Variants in RAB11B observed in about 807,000 individuals in gnomAD.
RAB11B encodes the protein RAB11B, member RAS oncogene family.
Under a neutral mutation model 23.7 loss-of-function variants are expected in RAB11B, and 7 were observed. The observed-to-expected ratio is 0.29, with a 90% CI of 0.17 to 0.55. The LOEUF (loss-of-function observed/expected upper bound fraction) is 0.55. Among genes scored for constraint, RAB11B ranks in the 20% least tolerant of loss-of-function variants. RAB11B has a pLI of 0.93. For missense variants in RAB11B, 189 were observed against 320.0 expected (o/e 0.59, Z 3.12); for synonymous variants, 138 against 132.0 (o/e 1.05, Z -0.31).
intron 1 of RAB11B, among the ~76,000 whole-genome samples, chr19:8,394,794 G>A (rs1203288599): frequency 1.3e-5 from 2 of 152,210 alleles, no homozygotes; most frequent in South Asian, 2.1e-4. Context: ...TCTGGGCGTC[G>A]TGGTGCACGC....
chr19:8,394,928 TACAA>T (rs1971384908), intron 1 of RAB11B, among the ~76,000 whole-genome samples: 1 of 152,178 alleles, frequency 6.6e-6, no homozygotes, highest in African/African-American at 2.4e-5. Flanking sequence ...TCCATCTCAA[TACAA>T]ACAAACAAAA....
At chr19:8,395,654 G>A (rs1383299899) in intron 1 of RAB11B, among the ~76,000 whole-genome samples, 2 of 152,140 alleles carry the variant, frequency 1.3e-5, no homozygotes, top group African/African-American at 4.8e-5. Flanking sequence ...GGTCTTTCAC[G>A]CCAGGCCAAG....
At chr19:8,398,102 C>T (rs539279488) in intron 1 of RAB11B, among the ~76,000 whole-genome samples, 23 of 152,256 alleles carry the variant, frequency 1.5e-4, no homozygotes, top group Middle Eastern at 6.8e-3. Flanking sequence ...GAGCCTGGGG[C>T]GGCTGGGCCC....
chr19:8,400,390 C>T (rs1055315043), intron 2 of RAB11B: 1 of 357,666 alleles, frequency 2.8e-6, no homozygotes, highest in Admixed American at 3.9e-5. Context: ...ACACCTGGTC[C>T]CACACGCCTC....
At chr19:8,393,774 G>A (rs572112075) in intron 1 of RAB11B, among the ~76,000 whole-genome samples, 52 of 152,270 alleles carry the variant, frequency 3.4e-4, no homozygotes, top group African/African-American at 1.3e-3. Context: ...GCCGGAATGG[G>A]GGCACCATTC....
At chr19:8,399,119 A>G (rs188630031) in intron 1 of RAB11B, among the ~76,000 whole-genome samples, 1 of 151,986 alleles carries the variant, frequency 6.6e-6, no homozygotes, top group East Asian at 1.9e-4. Context: ...CACCCAGCTA[A>G]TTTTATTGTA....
At chr19:8,399,667 T>C (rs1971422666) in intron 1 of RAB11B, among the ~76,000 whole-genome samples, 196 bp from the exon 2 acceptor site, 1 of 152,202 alleles carries the variant, frequency 6.6e-6, no homozygotes, top group African/African-American at 2.4e-5. Flanking sequence ...AGTGGCTGTT[T>C]CTGGAAGGCA....
chr19:8,396,831 GGCTCGGCACTCAC>G lies in RAB11B; in HGVS notation c.41-3030_41-3018del, dbSNP rs1568227910. On this transcript the variant is annotated intron_variant, in intron 1 of 4. Coordinates refer to ENST00000328024, the MANE Select transcript of RAB11B (RefSeq NM_004218.4). This position sits in a 1 kb window ranked among gnomAD's most constrained non-coding sequence, Gnocchi z 5.0. ...TGCAGAGGAGGGAGGGAGGTGCCCTGGCTCGGCACTCACGGGCGCTCTCTGGTGGCTGCTGCAG... is the reference window on the plus strand; with the variant it reads ...TGCAGAGGAGGGAGGGAGGTGCCCTGGGGCGCTCTCTGGTGGCTGCTGCAG... Among the ~76,000 whole-genome samples, 3 of 152,128 alleles carry G rather than the reference GGCTCGGCACTCAC, an allele frequency of 2.0e-5. No homozygotes were observed. The highest frequency in any genetic ancestry group is 7.2e-5 in the African/African-American group (3 of 41,412).
At position 8,390,431 on chromosome 19, in the gene RAB11B, C is replaced by T; in HGVS notation, c.15C>T (p.Asp5=). 6.6e-7 allele frequency: 1 copy of T among 1,522,278 alleles called. No homozygotes were observed. The highest frequency in any genetic ancestry group is 8.8e-7 in the Non-Finnish European group (1 of 1,139,570). 94.3% of individuals were successfully genotyped at this position (1,522,278 alleles called of 1,614,324 possible). The change falls in exon 1 of 5, where the codon GAC becomes GAT. Residue 5 remains aspartate, a synonymous_variant. Coordinates refer to ENST00000328024, the MANE Select transcript of RAB11B (RefSeq NM_004218.4). MGTR[D]DEYDYLFKVV... ...GCGCCAGGACAATGGGGACCCGGGA[C>T]GACGAGTACGACTACCTATTCAAAG...
In RAB11B at chr19:8,402,081, T is replaced by G; in HGVS notation, c.237-5T>G. 6.3e-7 allele frequency: 1 copy of G among 1,583,674 alleles called. No homozygotes were observed. The highest frequency in any genetic ancestry group is 1.1e-5 in the South Asian group (1 of 87,044). On this transcript the variant is annotated splice_polypyrimidine_tract_variant and splice_region_variant and intron_variant, in intron 2 of 4. Transcript: ENST00000328024. The stretch of plus-strand genomic sequence containing the variant: ...AGAGAGGCTCATGGGCCCCTGACCC[T>G]GCAGGTACTACCGTGGTGCAGTGGG...
chr19:8,393,890 G>C (rs1971377225), intron 1 of RAB11B, among the ~76,000 whole-genome samples: 1 of 152,232 alleles, frequency 6.6e-6, no homozygotes, highest in Non-Finnish European at 1.5e-5. Context: ...AGAGGTGCCA[G>C]TTCTTTGTTT....
At chr19:8,399,782 AC>A (rs781369542) in intron 1 of RAB11B, 80 bp from the exon 2 acceptor site, 1 of 1,516,810 alleles carries the variant, frequency 6.6e-7, no homozygotes, top group Non-Finnish European at 9.0e-7. Flanking sequence ...TTGGTGCAGC[AC>A]CCAGGGAACC....
At chr19:8,393,350 C>T (rs2145506818) in intron 1 of RAB11B, among the ~76,000 whole-genome samples, 1 of 152,288 alleles carries the variant, frequency 6.6e-6, no homozygotes, top group Middle Eastern at 3.4e-3. Flanking sequence ...CCAATCAGGG[C>T]TCACCTGGCC....
At chr19:8,395,470 A>T (rs1464342179) in intron 1 of RAB11B, among the ~76,000 whole-genome samples, 1 of 151,820 alleles carries the variant, frequency 6.6e-6, no homozygotes, top group Non-Finnish European at 1.5e-5. Context: ...GTTGGTCTCA[A>T]ACTCCTGACC....
At chr19:8,392,619 A>G (rs1971365072) in intron 1 of RAB11B, among the ~76,000 whole-genome samples, 1 of 150,272 alleles carries the variant, frequency 6.7e-6, no homozygotes, top group African/African-American at 2.5e-5. Context: ...TCTCACCTTC[A>G]CAGCTGTGCC....
At chr19:8,398,796 C>T (rs1349299017) in intron 1 of RAB11B, among the ~76,000 whole-genome samples, 3 of 151,986 alleles carry the variant, frequency 2.0e-5, no homozygotes, top group Admixed American at 1.3e-4. Context: ...CTGCTCTTTT[C>T]GTGGGGGGAG....
chr19:8,399,815 G>A, intron 1 of RAB11B, 48 bp from the exon 2 acceptor site: 1 of 1,587,896 alleles, frequency 6.3e-7, no homozygotes, highest in South Asian at 1.1e-5. Flanking sequence ...TGTGGGGGCA[G>A]TCGTGGGTGG....
At chr19:8,391,380 T>TGC (rs1369465501) in intron 1 of RAB11B, among the ~76,000 whole-genome samples, 1 of 152,220 alleles carries the variant, frequency 6.6e-6, no homozygotes, top group Non-Finnish European at 1.5e-5. Flanking sequence ...TTCCAACACG[T>TGC]GCGCACTGAT....
intron 4 of RAB11B, chr19:8,402,899 G>A: frequency 2.1e-6 from 1 of 476,042 alleles, no homozygotes; most frequent in South Asian, 2.6e-5. Context: ...CTGGGCTCAA[G>A]TGATCCTCCT....
Sources: gnomAD v4.1 joint callset for allele counts (sites outside exome capture counted in the v4.1 genomes callset) on GRCh38, gnomAD v4.1.1 for gene constraint, Gnocchi (gnomAD v3.1) non-coding constraint, MANE v1.5 for transcripts, NCBI Gene and HGNC (gene_info 2026-07-23, HGNC 2026-07-21) for gene names.